Variants in KCNQ3 observed in about 807,000 individuals in gnomAD.
KCNQ3 encodes the protein potassium voltage-gated channel subfamily KQT member 3.
Under a neutral mutation model 92.5 loss-of-function variants are expected in KCNQ3, and 30 were observed. The ratio of observed to expected loss-of-function variants is 0.32; its 90% CI spans 0.24 to 0.44. The LOEUF (loss-of-function observed/expected upper bound fraction) is 0.44, where lower values mean the gene tolerates loss of function less well. KCNQ3 is among the 20% of genes least tolerant of loss of function. The pLI is 1.00. For synonymous variants in KCNQ3, 450 were observed against 468.8 expected, an observed-to-expected ratio of 0.96 and a Z score of 0.52; for missense variants, 913 against 1,140.3, an observed-to-expected ratio of 0.80 and a Z score of 2.87.
chr8:132,334,750 G>T (rs1251539337), intron 1 of KCNQ3, among the ~76,000 whole-genome samples: 2 of 152,120 alleles, frequency 1.3e-5, no homozygotes, highest in African/African-American at 4.8e-5. Context: ...TTCTTGTAGG[G>T]AAGTTTCGCT....
chr8:132,259,493 C>T (rs1016238612), intron 1 of KCNQ3, among the ~76,000 whole-genome samples: 4 of 152,010 alleles, frequency 2.6e-5, no homozygotes, highest in African/African-American at 7.2e-5. Context: ...TAGAAGGAAA[C>T]GTCTTCAATC....
chr8:132,359,024 C>T lies in KCNQ3; in HGVS notation c.386+121123G>A, dbSNP rs538945664. ...AATACTCTCACTAAAGAATTATCTG[C>T]ATTAACACTCATTATGCTTGTTACC... is the stretch of plus-strand genomic sequence containing the variant. On this transcript the variant is annotated intron_variant, in intron 1 of 14. Transcript: ENST00000388996. 3.3e-5 allele frequency among the ~76,000 whole-genome samples: 5 copies of T among 152,322 alleles called. No individual in the cohort carries two copies. In the South Asian group the frequency reaches 8.3e-4, roughly 25 times the overall value.
At chr8:132,471,898 C>T (rs553563657) in intron 1 of KCNQ3, among the ~76,000 whole-genome samples, 1 of 152,002 alleles carries the variant, frequency 6.6e-6, no homozygotes, top group African/African-American at 2.4e-5. Flanking sequence ...CTAGAATATA[C>T]AAGAAACTCA....
intron 1 of KCNQ3, among the ~76,000 whole-genome samples, chr8:132,221,504 C>T (rs1329922918): frequency 1.3e-5 from 2 of 152,126 alleles, no homozygotes; most frequent in Non-Finnish European, 2.9e-5. Flanking sequence ...TAATGATCAC[C>T]ATTCTAACTG....
chr8:132,220,578 G>A (rs983501556), intron 1 of KCNQ3, among the ~76,000 whole-genome samples: 1 of 152,012 alleles, frequency 6.6e-6, no homozygotes, highest in Non-Finnish European at 1.5e-5. Context: ...GTGAAATCCT[G>A]TCTCTACTAA....
intron 1 of KCNQ3, among the ~76,000 whole-genome samples, chr8:132,404,573 TCTTCC>T (rs1051243504): frequency 6.6e-6 from 1 of 152,196 alleles, no homozygotes; most frequent in African/African-American, 2.4e-5. Context: ...ACAATTCCAG[TCTTCC>T]CTTCCTGAAA....
intron 1 of KCNQ3, among the ~76,000 whole-genome samples, chr8:132,363,523 C>T (rs924416005): frequency 2.0e-5 from 3 of 151,938 alleles, no homozygotes; most frequent in Non-Finnish European, 4.4e-5. Context: ...TAAAGAAGAC[C>T]CAAGAGCACC....
chr8:132,134,750 ATT>A (rs200392171), intron 12 of KCNQ3, among the ~76,000 whole-genome samples: 10 of 146,340 alleles, frequency 6.8e-5, no homozygotes, highest in African/African-American at 2.2e-4. Context: ...GCATCTTGTT[ATT>A]TTTTTTTTTT....
chr8:132,298,245 C>A (rs909876405), intron 1 of KCNQ3, among the ~76,000 whole-genome samples: 7 of 152,178 alleles, frequency 4.6e-5, no homozygotes, highest in African/African-American at 1.2e-4. Flanking sequence ...GGGCAAACTC[C>A]CTCTGCATTC....
chr8:132,142,303 C>T (rs143411456), intron 9 of KCNQ3, among the ~76,000 whole-genome samples: 1,530 of 152,294 alleles, frequency 0.01, 9 homozygotes, highest in Middle Eastern at 0.031. Context: ...TGCACCTTGA[C>T]TTAAGCCCAA....
rs762775355 is a variant in KCNQ3, at chr8:132,175,474, T to G, written c.912A>C (p.Ala304=). Residue 304 remains alanine, a synonymous_variant, in exon 5 of 15, where the codon GCA becomes GCC. Transcript: ENST00000388996. ...EEMKEEFETY[A]DALWWGLITL... is the part of the protein sequence containing the mutation. ...TCACCAGGCCCCACCACAGGGCATC[T>G]GCATAGGTCTCAAACTCCTCTTTCA... The G allele has an allele frequency of 6.2e-7, 1 of 1,614,070 alleles. No homozygotes were observed. Among genetic ancestry groups the G allele is most frequent in the Non-Finnish European group, 8.5e-7 (1 of 1,180,026 alleles).
At chr8:132,284,153 T>C (rs1177362699) in intron 1 of KCNQ3, among the ~76,000 whole-genome samples, 1 of 152,184 alleles carries the variant, frequency 6.6e-6, no homozygotes, top group Non-Finnish European at 1.5e-5. Context: ...CTGCACATTG[T>C]GCACATGTGC....
chr8:132,332,180 C>A (rs1818250964), intron 1 of KCNQ3, among the ~76,000 whole-genome samples: 3 of 152,208 alleles, frequency 2.0e-5, no homozygotes, highest in Admixed American at 2.0e-4. Flanking sequence ...TGCCATGAGG[C>A]AGCCCATGGA....
intron 6 of KCNQ3, among the ~76,000 whole-genome samples, chr8:132,173,841 C>T (rs1218370190): frequency 6.6e-6 from 1 of 152,176 alleles, no homozygotes; most frequent in African/African-American, 2.4e-5. Flanking sequence ...AAATGAAGGA[C>T]CTGCTCCGTG....
chr8:132,158,040 T>A (rs778675264), intron 9 of KCNQ3, among the ~76,000 whole-genome samples: 2 of 152,164 alleles, frequency 1.3e-5, no homozygotes, highest in Non-Finnish European at 2.9e-5. Flanking sequence ...AGAGGAAAAC[T>A]GAGACTAAGT....
At chr8:132,134,041 G>A (rs1373165022) in intron 13 of KCNQ3, among the ~76,000 whole-genome samples, 1 of 152,172 alleles carries the variant, frequency 6.6e-6, no homozygotes, top group Admixed American at 6.5e-5. Flanking sequence ...AAACAGGTGG[G>A]GCTATTATCA....
At position 132,480,704 on chromosome 8, in the gene KCNQ3, TG is replaced by T. The variant is rs2130875826; in HGVS notation, c.-173del. ...CAAAAGCAGGCAAAGGCGGGCCCCCTGGGGGGCAGGGGAGGCCAGGCAGGGG... is the reference window on the plus strand; with the variant it reads ...CAAAAGCAGGCAAAGGCGGGCCCCCTGGGGGCAGGGGAGGCCAGGCAGGGG... On this transcript the variant is annotated 5_prime_UTR_variant, in exon 1 of 15. Transcript: ENST00000388996. 2 of 585,996 alleles carry T rather than the reference TG, an allele frequency of 3.4e-6. No homozygotes were observed. Among genetic ancestry groups the T allele is most frequent in the Non-Finnish European group, 4.1e-6 (2 of 491,008 alleles). The allele number at this position is 585,996 out of a possible 1,614,324, so 36.3% of individuals were successfully genotyped here.
intron 3 of KCNQ3, among the ~76,000 whole-genome samples, chr8:132,182,324 C>T (rs1826811912): frequency 6.6e-6 from 1 of 152,210 alleles, no homozygotes; most frequent in African/African-American, 2.4e-5. Context: ...CATCTTCACT[C>T]AAAATGGCAG....
chr8:132,383,815 AT>A, intron 1 of KCNQ3, among the ~76,000 whole-genome samples: 1 of 152,304 alleles, frequency 6.6e-6, no homozygotes, highest in South Asian at 2.1e-4. Context: ...GCCTCTGAGC[AT>A]TGCTGAGCAA....
Sources: gnomAD v4.1 joint callset for allele counts (sites outside exome capture counted in the v4.1 genomes callset) on GRCh38, gnomAD v4.1.1 for gene constraint, MANE v1.5 for transcripts, NCBI Gene and HGNC (gene_info 2026-07-23, HGNC 2026-07-21) for gene names.